The following TGM4 variants were observed in gnomAD, a reference collection of about 807,000 sequenced individuals.
TGM4 encodes the protein protein-glutamine gamma-glutamyltransferase 4.
Under a neutral mutation model 76.3 loss-of-function variants are expected in TGM4, and 61 were observed. The observed-to-expected ratio is 0.80, with a 90% CI of 0.65 to 0.99. The LOEUF is 0.99. Among genes scored for constraint, TGM4 ranks in the 50% least tolerant of loss-of-function variants. The probability of loss-of-function intolerance (pLI) is 0.00; values close to 1 mark genes in which losing one functional copy is unlikely to be tolerated. For synonymous variants in TGM4, 337 were observed against 329.8 expected (o/e 1.02, Z -0.24); for missense variants, 794 against 843.2 (o/e 0.94, Z 0.72).
chr3:44,893,695 G>C lies in TGM4; in HGVS notation c.549G>C (p.Gln183His), dbSNP rs1382252544. 3 of 1,613,500 alleles carry C rather than the reference G, an allele frequency of 1.9e-6. No individual in the cohort carries two copies. Among genetic ancestry groups the C allele is most frequent in the Non-Finnish European group, 1.7e-6 (2 of 1,179,534 alleles). The change falls in exon 5 of 14, where the codon CAG (glutamine) becomes CAC (histidine). Residue 183 changes from glutamine to histidine, a missense_variant and splice_region_variant. Physicochemically the swap from Gln to His is conservative, Grantham distance 24. Transcript: ENST00000296125. ...SIKCKPWNFG[Q>H]FEKNVLDCCI... ...AATGCAAACCCTGGAACTTTGGTCAGGTAATGATTTGTCGTCTTGTGGCTG... is the reference window on the plus strand; with the variant it reads ...AATGCAAACCCTGGAACTTTGGTCACGTAATGATTTGTCGTCTTGTGGCTG...
intron 6 of TGM4, among the ~76,000 whole-genome samples, chr3:44,897,895 A>G (rs1559616094): frequency 6.6e-6 from 1 of 152,226 alleles, no homozygotes; most frequent in African/African-American, 2.4e-5. Context: ...CTGGCTTGCT[A>G]GAAGTCAGCT....
intron 3 of TGM4, among the ~76,000 whole-genome samples, chr3:44,889,477 C>T (rs971925994): frequency 3.3e-5 from 5 of 152,092 alleles, no homozygotes; most frequent in African/African-American, 1.2e-4. Flanking sequence ...AGTTGCACTC[C>T]AGCCTGGGTG....
At chr3:44,893,948 C>T in intron 5 of TGM4, among the ~76,000 whole-genome samples, 2 of 132,080 alleles carry the variant, frequency 1.5e-5, no homozygotes, top group Non-Finnish European at 3.3e-5. Context: ...CTCTCCCACC[C>T]CCCACAGCTC....
intron 2 of TGM4, 31 bp downstream of exon 2, chr3:44,885,529 T>C (rs1699593720): frequency 1.3e-6 from 2 of 1,594,870 alleles, no homozygotes; most frequent in Admixed American, 1.7e-5. Context: ...TCATGGGGCT[T>C]TGGGGAGGGA....
rs1432501655 is a variant in TGM4 at position 44,901,896 on chromosome 3, C to T, written c.936C>T (p.Gly312=). The T allele has an allele frequency of 5.0e-6, 8 of 1,614,084 alleles. No homozygotes were observed. Among genetic ancestry groups the T allele is most frequent in the Middle Eastern group, 1.6e-4 (1 of 6,062 alleles). The part of the protein sequence containing the change: ...LTVDTYVNEN[G]EKITSMTHDS... ...TGGACACCTATGTGAATGAGAATGG[C>T]GAGAAAATCACCAGTATGACCCACG... Residue 312 remains glycine (G), a synonymous_variant, in exon 8 of 14, where the codon GGC becomes GGT. Coordinates refer to ENST00000296125, the MANE Select transcript of TGM4 (RefSeq NM_003241.4).
intron 1 of TGM4, chr3:44,876,582 C>T (rs914363102): frequency 1.3e-5 from 2 of 152,186 alleles, no homozygotes; most frequent in African/African-American, 4.8e-5. Flanking sequence ...AGATATCTAT[C>T]TCATGGCTTA....
intron 3 of TGM4, chr3:44,889,112 C>T (rs1699652133): frequency 7.4e-6 from 1 of 135,564 alleles, no homozygotes; most frequent in Admixed American, 8.6e-5. Flanking sequence ...CAAGGTCATA[C>T]AGCCAGTAAG....
chr3:44,884,719 G>A (rs922424417), intron 1 of TGM4, among the ~76,000 whole-genome samples: 1 of 152,128 alleles, frequency 6.6e-6, no homozygotes, highest in African/African-American at 2.4e-5. Context: ...TGGATAAAAA[G>A]GCTTCACCCC....
intron 6 of TGM4, chr3:44,899,084 C>T (rs1699818642): frequency 6.6e-6 from 1 of 152,256 alleles, no homozygotes; most frequent in Non-Finnish European, 1.5e-5. Flanking sequence ...GTTATCTCAT[C>T]TTTTGGGTGA....
chr3:44,891,708 C>T (rs973782879), intron 4 of TGM4, among the ~76,000 whole-genome samples: 3 of 152,218 alleles, frequency 2.0e-5, no homozygotes, highest in Non-Finnish European at 2.9e-5. Flanking sequence ...GGCGTGGTGG[C>T]TCACGCCTGT....
At chr3:44,878,485 A>G (rs942907696) in intron 1 of TGM4, among the ~76,000 whole-genome samples, 2 of 134,926 alleles carry the variant, frequency 1.5e-5, no homozygotes, top group Non-Finnish European at 3.2e-5. Context: ...TATTATTATT[A>G]TTATTATTAT....
intron 1 of TGM4, among the ~76,000 whole-genome samples, chr3:44,882,620 G>T (rs1200185005): frequency 6.6e-6 from 1 of 152,174 alleles, no homozygotes; most frequent in Non-Finnish European, 1.5e-5. Context: ...ATCTTCACAT[G>T]ACCCTCCCCT....
chr3:44,909,873 G>T (rs1212840024), intron 10 of TGM4, among the ~76,000 whole-genome samples: 1 of 152,140 alleles, frequency 6.6e-6, no homozygotes, highest in Non-Finnish European at 1.5e-5. Context: ...GCAGATTTTT[G>T]GAGGTCTTTA....
chr3:44,892,667 A>G (rs1699720945), intron 4 of TGM4, among the ~76,000 whole-genome samples: 1 of 152,148 alleles, frequency 6.6e-6, no homozygotes, highest in East Asian at 1.9e-4. Context: ...CACCGCACCC[A>G]GCCGGTCACT....
chr3:44,897,813 T>C (rs2125755183), intron 6 of TGM4, among the ~76,000 whole-genome samples: 1 of 152,350 alleles, frequency 6.6e-6, no homozygotes, highest in Non-Finnish European at 1.5e-5. Context: ...TAAAAACCTA[T>C]GTTTTTCGAA....
intron 13 of TGM4, 130 bp downstream of exon 13, chr3:44,911,536 C>A: frequency 9.7e-7 from 1 of 1,030,676 alleles, no homozygotes; most frequent in Non-Finnish European, 1.4e-6. Context: ...TTTGCTAGTG[C>A]CAAATTACTT....
At chr3:44,896,521 C>T (rs111995551) in intron 5 of TGM4, among the ~76,000 whole-genome samples, 188 bp from the exon 6 acceptor site, 3,248 of 152,324 alleles carry the variant, frequency 0.021, 61 homozygotes, top group Middle Eastern at 0.065. Flanking sequence ...TACTTAACTA[C>T]TGTCCTGTGG....
intron 1 of TGM4, among the ~76,000 whole-genome samples, chr3:44,882,708 C>T (rs1699550769): frequency 6.6e-6 from 1 of 152,240 alleles, no homozygotes; most frequent in African/African-American, 2.4e-5. Context: ...AATATAATCA[C>T]AAGATCCTTA....
At chr3:44,897,687 T>C (rs1559616050) in intron 6 of TGM4, among the ~76,000 whole-genome samples, 1 of 152,260 alleles carries the variant, frequency 6.6e-6, no homozygotes, top group African/African-American at 2.4e-5. Context: ...TGTATTTATA[T>C]GGTTTATATT....
Sources: allele counts gnomAD v4.1 joint callset (sites outside exome capture counted in the v4.1 genomes callset), GRCh38; gene constraint gnomAD v4.1.1; transcripts MANE v1.5; gene names NCBI Gene and HGNC (gene_info 2026-07-23, HGNC 2026-07-21).